Variants in GALNT13 observed in about 807,000 individuals in gnomAD.
The protein encoded by GALNT13 is polypeptide N-acetylgalactosaminyltransferase 13.
Under a neutral mutation model 64.2 loss-of-function variants are expected in GALNT13, and 28 were observed. That is an observed-to-expected ratio of 0.44 (90% CI 0.32 to 0.60). GALNT13 has a LOEUF of 0.60. GALNT13 is among the 20% of genes least tolerant of loss of function. GALNT13 has a pLI of 0.05. For missense variants in GALNT13, 577 were observed against 669.8 expected (o/e 0.86, Z 1.53); for synonymous variants, 214 against 224.6 (o/e 0.95, Z 0.42).
At chr2:153,258,221 G>T in the GALNT13 span, among the ~76,000 whole-genome samples, 1 of 152,164 alleles carries the variant, frequency 6.6e-6, no homozygotes, top group African/African-American at 2.4e-5. Context: ...TAATACTAAA[G>T]TTTGTTTTGC....
At chr2:154,270,468 A>G (rs1433125083) in intron 8 of GALNT13, among the ~76,000 whole-genome samples, 5 of 151,908 alleles carry the variant, frequency 3.3e-5, no homozygotes, top group African/African-American at 1.2e-4. Context: ...AAGCATAACC[A>G]CTTATTTATA....
At chr2:154,110,382 G>GAC (rs1702913106) in intron 3 of GALNT13, among the ~76,000 whole-genome samples, 7 of 133,130 alleles carry the variant, frequency 5.3e-5, no homozygotes, top group African/African-American at 1.1e-4. Flanking sequence ...GAGAGACAGA[G>GAC]AGAGAGAGAG....
the GALNT13 span, among the ~76,000 whole-genome samples, chr2:153,181,653 T>G: frequency 6.8e-6 from 1 of 146,348 alleles, no homozygotes. Flanking sequence ...ATATTATATA[T>G]TAAATTTATA....
At chr2:154,445,074 G>T (rs1701498833) in intron 12 of GALNT13, among the ~76,000 whole-genome samples, 2 of 152,048 alleles carry the variant, frequency 1.3e-5, no homozygotes, top group Non-Finnish European at 2.9e-5. Context: ...TCAAGCAAAT[G>T]AAGACACTAA....
At chr2:154,161,039 G>T (rs140019716) in intron 4 of GALNT13, among the ~76,000 whole-genome samples, 1 of 152,046 alleles carries the variant, frequency 6.6e-6, no homozygotes, top group Admixed American at 6.6e-5. Context: ...ATCTGTTACC[G>T]CACAGTATAC....
chr2:154,246,556 C>A (rs1415368915), intron 7 of GALNT13, among the ~76,000 whole-genome samples: 1 of 152,010 alleles, frequency 6.6e-6, no homozygotes, highest in African/African-American at 2.4e-5. Context: ...TCATATACAT[C>A]TCGAATTGTC....
intron 11 of GALNT13, among the ~76,000 whole-genome samples, chr2:154,420,341 T>C (rs1290720879): frequency 6.6e-6 from 1 of 152,152 alleles, no homozygotes; most frequent in Non-Finnish European, 1.5e-5. Context: ...CTGCTGACTT[T>C]ACCAAGATGA....
intron 2 of GALNT13, among the ~76,000 whole-genome samples, chr2:153,933,113 G>A (rs1390657106): frequency 6.6e-6 from 1 of 152,132 alleles, no homozygotes; most frequent in African/African-American, 2.4e-5. Context: ...GGGATGAAGA[G>A]TTCTGTATAT....
the GALNT13 span, among the ~76,000 whole-genome samples, chr2:153,836,013 A>G: frequency 6.6e-6 from 1 of 152,070 alleles, no homozygotes; most frequent in Non-Finnish European, 1.5e-5. Flanking sequence ...ATATGAATTT[A>G]TCTTGTCCCC....
the GALNT13 span, among the ~76,000 whole-genome samples, chr2:153,866,164 G>T: frequency 1.7e-5 from 2 of 115,506 alleles, no homozygotes; most frequent in East Asian, 5.6e-4. Context: ...ACTGTTGTGG[G>T]GTGGGGGGAG....
chr2:153,402,766 T>C, the GALNT13 span, among the ~76,000 whole-genome samples: 1 of 152,180 alleles, frequency 6.6e-6, no homozygotes, highest in East Asian at 1.9e-4. Flanking sequence ...CAAGCCTTGG[T>C]TTTCAGCTCC....
intron 4 of GALNT13, among the ~76,000 whole-genome samples, chr2:154,238,181 T>C (rs370877051): frequency 6.6e-6 from 1 of 152,002 alleles, no homozygotes; most frequent in Non-Finnish European, 1.5e-5. Flanking sequence ...AAGGAAGATA[T>C]CCACAAGAGG....
At chr2:154,213,957 T>G (rs1687912971) in intron 4 of GALNT13, among the ~76,000 whole-genome samples, 2 of 152,226 alleles carry the variant, frequency 1.3e-5, no homozygotes, top group African/African-American at 4.8e-5. Flanking sequence ...CACAAACTTT[T>G]CATTGTATTC....
intron 2 of GALNT13, among the ~76,000 whole-genome samples, chr2:153,929,386 G>T (rs1189762462): frequency 6.6e-6 from 1 of 152,058 alleles, no homozygotes; most frequent in Non-Finnish European, 1.5e-5. Context: ...GCAGGTGGAG[G>T]TTCGTTACAT....
At chr2:154,362,298 G>C (rs570912126) in intron 9 of GALNT13, among the ~76,000 whole-genome samples, 139 of 133,858 alleles carry the variant, frequency 1.0e-3, no homozygotes, top group African/African-American at 3.7e-3. Context: ...CGCTTCTTGA[G>C]TCTGGACTAG....
At chr2:153,470,891 G>A in the GALNT13 span, among the ~76,000 whole-genome samples, 2 of 152,038 alleles carry the variant, frequency 1.3e-5, no homozygotes, top group African/African-American at 4.8e-5. Context: ...TCACAGTGGG[G>A]GAAATGAATA....
At chr2:153,812,324 A>G in the GALNT13 span, among the ~76,000 whole-genome samples, 1 of 152,220 alleles carries the variant, frequency 6.6e-6, no homozygotes, top group African/African-American at 2.4e-5. Context: ...ATGCAAGAAA[A>G]GGCAAAATTA....
At chr2:154,069,605 CAA>C (rs1171702444) in intron 3 of GALNT13, among the ~76,000 whole-genome samples, 1 of 151,714 alleles carries the variant, frequency 6.6e-6, no homozygotes, top group Non-Finnish European at 1.5e-5. Flanking sequence ...ATATGAAATT[CAA>C]AAGACATAGC....
the GALNT13 span, among the ~76,000 whole-genome samples, chr2:153,114,318 G>T: frequency 6.6e-6 from 1 of 152,156 alleles, no homozygotes; most frequent in African/African-American, 2.4e-5. Flanking sequence ...CTATCATGTT[G>T]AACAACCAAC....
Sources: allele counts gnomAD v4.1 joint callset (sites outside exome capture counted in the v4.1 genomes callset), GRCh38; gene constraint gnomAD v4.1.1; transcripts MANE v1.5; gene names NCBI Gene and HGNC (gene_info 2026-07-23, HGNC 2026-07-21).